Variants in OSBP2 observed in about 807,000 individuals in gnomAD.
OSBP2 encodes oxysterol-binding protein 2.
A neutral mutation model predicts 96.0 loss-of-function variants in OSBP2; 66 were observed. The observed-to-expected ratio is 0.69, with a 90% CI of 0.56 to 0.84. OSBP2 has a LOEUF of 0.84. OSBP2 is among the 40% of genes least tolerant of loss of function. The pLI is 0.00. For synonymous variants in OSBP2, 525 were observed against 520.9 expected (o/e 1.01, Z -0.11); for missense variants, 1,038 against 1,222.7 (o/e 0.85, Z 2.25).
At chr22:30,901,758 G>A (rs1028498343) in intron 12 of OSBP2, among the ~76,000 whole-genome samples, 2 of 152,068 alleles carry the variant, frequency 1.3e-5, no homozygotes, top group Admixed American at 6.6e-5. Context: ...CCAGCTACTC[G>A]GAAAGCTGAG....
At chr22:30,768,497 C>T (rs891574865) in intron 2 of OSBP2, among the ~76,000 whole-genome samples, 2 of 151,908 alleles carry the variant, frequency 1.3e-5, no homozygotes, top group Non-Finnish European at 2.9e-5. Flanking sequence ...ATCAACATGG[C>T]GAAACCCCGT....
At position 30,702,096 on chromosome 22, in the gene OSBP2, C is replaced by T. The variant is rs1402575686; in HGVS notation, c.644+6543C>T. ...GAATACCTCTGAGTCATACTTGCTG[C>T]CTCTTCCCTCCCTCATCCCACATTA... is the stretch of plus-strand genomic sequence containing the variant. On this transcript the variant is annotated intron_variant, in intron 1 of 13. Transcript: ENST00000332585. Among the ~76,000 whole-genome samples the T allele has an allele frequency of 2.6e-5, 4 of 152,150 alleles. No homozygotes were observed. In the East Asian group the frequency reaches 5.8e-4, roughly 22 times the overall value.
chr22:30,750,016 A>G (rs2090054150), intron 2 of OSBP2, among the ~76,000 whole-genome samples: 1 of 152,206 alleles, frequency 6.6e-6, no homozygotes, highest in African/African-American at 2.4e-5. Flanking sequence ...GAGGTGAAGA[A>G]CATAGTGAAA....
chr22:30,795,176 G>T (rs2090739410), intron 2 of OSBP2, among the ~76,000 whole-genome samples: 1 of 152,124 alleles, frequency 6.6e-6, no homozygotes, highest in Non-Finnish European at 1.5e-5. Context: ...CTCCCAAAGT[G>T]CTGGGGTTAC....
chr22:30,854,919 A>G (rs2039050494), intron 2 of OSBP2, among the ~76,000 whole-genome samples: 1 of 152,170 alleles, frequency 6.6e-6, no homozygotes, highest in Non-Finnish European at 1.5e-5. Context: ...AGGGGAAGCA[A>G]ACATGTCCTT....
At chr22:30,869,864 C>A (rs5753363) in intron 2 of OSBP2, among the ~76,000 whole-genome samples, 5 of 151,954 alleles carry the variant, frequency 3.3e-5, no homozygotes, top group Admixed American at 2.6e-4. Flanking sequence ...GGGGACATGG[C>A]GGGAAAGGCC....
intron 2 of OSBP2, among the ~76,000 whole-genome samples, chr22:30,814,340 C>G (rs1225056910): frequency 2.0e-5 from 3 of 151,552 alleles, no homozygotes; most frequent in African/African-American, 7.3e-5. Context: ...TCACATGGTC[C>G]TTCCTTTGTG....
intron 1 of OSBP2, among the ~76,000 whole-genome samples, chr22:30,724,640 G>A (rs556259030): frequency 6.6e-6 from 1 of 152,156 alleles, no homozygotes; most frequent in Non-Finnish European, 1.5e-5. Context: ...GGTTGCATGC[G>A]TATTTTGGCA....
intron 2 of OSBP2, among the ~76,000 whole-genome samples, chr22:30,751,373 G>A (rs1240328471): frequency 6.6e-6 from 1 of 150,974 alleles, no homozygotes; most frequent in Non-Finnish European, 1.5e-5. Context: ...CTTTTTTCTT[G>A]AGACGGAGTC....
chr22:30,784,099 T>C (rs2090555243), intron 2 of OSBP2, among the ~76,000 whole-genome samples: 1 of 152,176 alleles, frequency 6.6e-6, no homozygotes, highest in Admixed American at 6.5e-5. Context: ...TTTAAAATAC[T>C]GCAGATACAA....
intron 1 of OSBP2, among the ~76,000 whole-genome samples, chr22:30,715,102 G>C (rs2089426701): frequency 6.7e-6 from 1 of 149,554 alleles, no homozygotes; most frequent in African/African-American, 2.5e-5. Flanking sequence ...TTGCTATGTT[G>C]CTCAGGTTAG....
intron 2 of OSBP2, among the ~76,000 whole-genome samples, chr22:30,754,939 C>T (rs1461999591): frequency 6.6e-6 from 1 of 152,226 alleles, no homozygotes; most frequent in Non-Finnish European, 1.5e-5. Context: ...TCCCATCTGT[C>T]TTCAAGCTCA....
intron 2 of OSBP2, among the ~76,000 whole-genome samples, chr22:30,869,536 G>A (rs1166464975): frequency 3.9e-5 from 6 of 152,136 alleles, no homozygotes; most frequent in African/African-American, 9.7e-5. Flanking sequence ...GGGTGTTTTT[G>A]TTTTGTTTTG....
At chr22:30,720,329 G>T (rs968127326) in intron 1 of OSBP2, among the ~76,000 whole-genome samples, 4 of 152,204 alleles carry the variant, frequency 2.6e-5, no homozygotes, top group African/African-American at 9.6e-5. Context: ...GAGGGCTGCG[G>T]TCATTTGAAG....
chr22:30,822,366 G>T, intron 2 of OSBP2: 1 of 526,668 alleles, frequency 1.9e-6, no homozygotes, highest in Non-Finnish European at 2.9e-6. Flanking sequence ...CGCGCGGGAC[G>T]AGGCCGCGCT....
intron 2 of OSBP2, among the ~76,000 whole-genome samples, chr22:30,792,020 G>A (rs184446625): frequency 1.3e-5 from 2 of 152,228 alleles, no homozygotes; most frequent in East Asian, 3.9e-4. Flanking sequence ...GCATACAGAA[G>A]TTTCAATCAG....
chr22:30,836,993 G>A (rs995047575), intron 2 of OSBP2, among the ~76,000 whole-genome samples: 1 of 152,178 alleles, frequency 6.6e-6, no homozygotes, highest in African/African-American at 2.4e-5. Context: ...GCTCACTCCT[G>A]TAATCCCAGC....
At chr22:30,874,507 C>T (rs901413097) in intron 3 of OSBP2, among the ~76,000 whole-genome samples, 1 of 152,174 alleles carries the variant, frequency 6.6e-6, no homozygotes, top group East Asian at 1.9e-4. Context: ...TTTAGGTCCT[C>T]AGCTCCTAGA....
chr22:30,773,688 A>T (rs369293586), intron 2 of OSBP2, among the ~76,000 whole-genome samples: 6 of 152,178 alleles, frequency 3.9e-5, no homozygotes, highest in African/African-American at 1.4e-4. Context: ...CTCTGGCCAG[A>T]CACAGTGGTC....
Sources: allele counts gnomAD v4.1 joint callset (sites outside exome capture counted in the v4.1 genomes callset), GRCh38; gene constraint gnomAD v4.1.1; transcripts MANE v1.5; gene names NCBI Gene and HGNC (gene_info 2026-07-23, HGNC 2026-07-21).